ADAM12: variants seen among roughly 807,000 people sequenced by gnomAD.
ADAM12 encodes ADAM metallopeptidase domain 12.
In ADAM12, 70 loss-of-function variants were observed where a neutral mutation model predicts 106.4. That is an observed-to-expected ratio of 0.66 (90% CI 0.54 to 0.80). The LOEUF (loss-of-function observed/expected upper bound fraction) is 0.80, where lower values mean the gene tolerates loss of function less well. Among genes scored for constraint, ADAM12 ranks in the 30% least tolerant of loss-of-function variants. The pLI, the probability that ADAM12 is intolerant of heterozygous loss-of-function variation, is 0.00. For missense variants in ADAM12, 1,010 were observed against 1,171.9 expected (o/e 0.86, Z 2.02); for synonymous variants, 420 against 433.5 (o/e 0.97, Z 0.39).
chr10:126,198,437 T>C (rs967431514), intron 3 of ADAM12, among the ~76,000 whole-genome samples: 12 of 152,208 alleles, frequency 7.9e-5, no homozygotes, highest in Admixed American at 3.3e-4. Context: ...CCTGGAGCCA[T>C]TGGGAGGGGC....
intron 1 of ADAM12, among the ~76,000 whole-genome samples, chr10:126,381,158 A>C (rs1391139986): frequency 6.6e-6 from 1 of 152,212 alleles, no homozygotes; most frequent in East Asian, 1.9e-4. Flanking sequence ...TTTAAAAATG[A>C]GTTTAATTTT....
In ADAM12 at chr10:126,327,235, T is replaced by C. The variant is rs142460551; in HGVS notation, c.186+3177A>G. Among the ~76,000 whole-genome samples, 516 of 152,298 alleles carry C rather than the reference T, an allele frequency of 3.4e-3. 8 individuals carry two copies. Among genetic ancestry groups the C allele is most frequent in the African/African-American group, 0.012 (492 of 41,564 alleles). Reference sequence around the variant, plus strand: ...TTGTCTTCACACTCTAGGATGCGGATGTGAGGAATGCCTCTGAGGTTTTCA... The same window carrying C: ...TTGTCTTCACACTCTAGGATGCGGACGTGAGGAATGCCTCTGAGGTTTTCA... On this transcript the variant is annotated intron_variant, in intron 2 of 22. Coordinates refer to ENST00000448723, the MANE Select transcript of ADAM12 (RefSeq NM_001288973.2).
intron 11 of ADAM12, among the ~76,000 whole-genome samples, chr10:126,083,853 G>A (rs769169488): frequency 1.3e-5 from 2 of 152,174 alleles, no homozygotes; most frequent in African/African-American, 2.4e-5. Flanking sequence ...AGGCTCAAAC[G>A]ATAGAACAGA....
chr10:126,127,911 G>A (rs1405524723), intron 5 of ADAM12, among the ~76,000 whole-genome samples: 2 of 152,150 alleles, frequency 1.3e-5, no homozygotes, highest in African/African-American at 4.8e-5. Flanking sequence ...GCAGCACCAC[G>A]CATGTGGCGG....
chr10:126,318,845 G>T (rs1289762828), intron 2 of ADAM12, among the ~76,000 whole-genome samples: 1 of 152,202 alleles, frequency 6.6e-6, no homozygotes, highest in Non-Finnish European at 1.5e-5. Context: ...GGCTGGGGAG[G>T]CCTCACAATC....
intron 2 of ADAM12, among the ~76,000 whole-genome samples, chr10:126,311,137 A>ACC (rs1554863932): frequency 6.9e-6 from 1 of 145,882 alleles, no homozygotes. Context: ...ACACACACAC[A>ACC]CCTGCACGCA....
intron 2 of ADAM12, among the ~76,000 whole-genome samples, chr10:126,283,874 A>G (rs1959711735): frequency 6.6e-6 from 1 of 152,206 alleles, no homozygotes; most frequent in South Asian, 2.1e-4. Flanking sequence ...TCCCTACTCC[A>G]AGATCAAAAA....
At chr10:126,114,449 T>G (rs1955942968) in intron 6 of ADAM12, among the ~76,000 whole-genome samples, 1 of 152,128 alleles carries the variant, frequency 6.6e-6, no homozygotes, top group South Asian at 2.1e-4. Context: ...AAGGAAGTGG[T>G]GCTGCCCCGT....
chr10:126,035,067 AACTG>A (rs970456370), intron 21 of ADAM12, among the ~76,000 whole-genome samples: 27 of 152,324 alleles, frequency 1.8e-4, no homozygotes, highest in African/African-American at 6.3e-4. Flanking sequence ...TCCTCTTGGT[AACTG>A]ACAGAACTAC....
intron 2 of ADAM12, among the ~76,000 whole-genome samples, chr10:126,292,635 A>G (rs552249262): frequency 5.3e-5 from 8 of 152,304 alleles, no homozygotes; most frequent in East Asian, 1.9e-4. Flanking sequence ...CATTTTCTGT[A>G]ATGGAACAGA....
chr10:126,114,989 T>G (rs1261298178), intron 6 of ADAM12, among the ~76,000 whole-genome samples: 1 of 152,210 alleles, frequency 6.6e-6, no homozygotes, highest in Non-Finnish European at 1.5e-5. Context: ...ACCACTACTG[T>G]GCCTTCTATT....
chr10:126,207,173 C>T (rs1407646788), intron 3 of ADAM12, among the ~76,000 whole-genome samples: 1 of 152,134 alleles, frequency 6.6e-6, no homozygotes, highest in African/African-American at 2.4e-5. Flanking sequence ...AGAACATAAA[C>T]TAGAAGTCAC....
In ADAM12 at chr10:126,049,744, A is replaced by T. The variant is rs1031643890; in HGVS notation, c.1610-75T>A. ...TTTTTCATGGCTGTAGGCCTCTCAA[A>T]TGGTTACGGGGAGACGTGCTCAAAG... On this transcript the variant is annotated intron_variant, in intron 14 of 22. Transcript: ENST00000448723. The surrounding 1 kb of genome is among the most constrained non-coding windows in gnomAD (Gnocchi z 4.4). The T allele has an allele frequency of 7.6e-7, 1 of 1,308,776 alleles. No homozygotes were observed. The highest frequency in any genetic ancestry group is 1.5e-5 in the African/African-American group (1 of 68,100). The allele number at this position is 1,308,776 out of a possible 1,614,324, so 81.1% of individuals were successfully genotyped here.
intron 1 of ADAM12, among the ~76,000 whole-genome samples, chr10:126,369,404 C>A (rs1404651798): frequency 6.6e-6 from 1 of 152,162 alleles, no homozygotes; most frequent in East Asian, 1.9e-4. Context: ...GATAAGTGCT[C>A]TGACAGAGAC....
At chr10:126,268,458 GTCC>G (rs1179360248) in intron 3 of ADAM12, among the ~76,000 whole-genome samples, 2 of 152,108 alleles carry the variant, frequency 1.3e-5, no homozygotes, top group Non-Finnish European at 2.9e-5. Context: ...CTCTCTGTAA[GTCC>G]CTGATGAAGC....
chr10:126,227,941 A>T (rs962041632), intron 3 of ADAM12, among the ~76,000 whole-genome samples: 3 of 152,108 alleles, frequency 2.0e-5, no homozygotes, highest in Non-Finnish European at 4.4e-5. Flanking sequence ...CTTTCATACC[A>T]TTCATATCCT....
At chr10:126,061,116 C>A (rs2133469869) in intron 14 of ADAM12, among the ~76,000 whole-genome samples, 1 of 152,338 alleles carries the variant, frequency 6.6e-6, no homozygotes, top group African/African-American at 2.4e-5. Flanking sequence ...TCCTAGTTGG[C>A]TGCTTTCCTC....
chr10:126,333,286 A>T (rs774431898), intron 1 of ADAM12, among the ~76,000 whole-genome samples: 1 of 152,236 alleles, frequency 6.6e-6, no homozygotes, highest in Non-Finnish European at 1.5e-5. Context: ...GCAGAGAAAG[A>T]GTTCCAAAAC....
At chr10:126,359,794 T>C (rs1855678172) in intron 1 of ADAM12, among the ~76,000 whole-genome samples, 1 of 152,200 alleles carries the variant, frequency 6.6e-6, no homozygotes, top group Non-Finnish European at 1.5e-5. Flanking sequence ...CTCACAGCTC[T>C]ACTAGGTGGT....
Sources: allele counts gnomAD v4.1 joint callset (sites outside exome capture counted in the v4.1 genomes callset), GRCh38; gene constraint gnomAD v4.1.1; non-coding constraint Gnocchi (gnomAD v3.1); transcripts MANE v1.5; gene names NCBI Gene and HGNC (gene_info 2026-07-23, HGNC 2026-07-21).